Variants in MARK3 observed in about 807,000 individuals in gnomAD.
The protein encoded by MARK3 is microtubule affinity regulating kinase 3.
In MARK3, 46 loss-of-function variants were observed where a neutral mutation model predicts 90.1. The ratio of observed to expected loss-of-function variants is 0.51; its 90% CI spans 0.40 to 0.65. The LOEUF is 0.65. MARK3 is among the 30% of genes least tolerant of loss of function. The pLI, the probability that MARK3 is intolerant of heterozygous loss-of-function variation, is 0.00. For missense variants in MARK3, 818 were observed against 947.2 expected (o/e 0.86, Z 1.79); for synonymous variants, 321 against 332.6 (o/e 0.97, Z 0.38).
intron 14 of MARK3, chr14:103,491,149 A>C: frequency 8.3e-7 from 1 of 1,203,732 alleles, no homozygotes; most frequent in South Asian, 1.4e-5. Context: ...ATGTGTACCC[A>C]CTGCTTCTTA....
chr14:103,406,989 G>A (rs7156619), intron 2 of MARK3, among the ~76,000 whole-genome samples: 95,660 of 151,408 alleles, frequency 0.63, 30,682 homozygotes, highest in East Asian at 0.86. Flanking sequence ...ATCCACCACT[G>A]CACCCGGCTA....
intron 1 of MARK3, among the ~76,000 whole-genome samples, chr14:103,402,278 C>T (rs2091007681): frequency 6.6e-6 from 1 of 152,038 alleles, no homozygotes; most frequent in Non-Finnish European, 1.5e-5. Flanking sequence ...CCTGGCCGAG[C>T]GCGGTGGCTC....
chr14:103,425,669 G>T (rs936023276), intron 2 of MARK3, among the ~76,000 whole-genome samples: 8 of 152,182 alleles, frequency 5.3e-5, no homozygotes, highest in African/African-American at 1.9e-4. Flanking sequence ...GCCTGTTTCA[G>T]TAGTCAGTAT....
At chr14:103,463,577 C>A (rs971203089) in intron 7 of MARK3, among the ~76,000 whole-genome samples, 1 of 152,200 alleles carries the variant, frequency 6.6e-6, no homozygotes, top group Admixed American at 6.5e-5. Flanking sequence ...TCACCAGGTC[C>A]TTTTGCTGCT....
At chr14:103,394,861 C>G (rs1347843349) in intron 1 of MARK3, among the ~76,000 whole-genome samples, 1 of 152,268 alleles carries the variant, frequency 6.6e-6, no homozygotes, top group Admixed American at 6.5e-5. Flanking sequence ...TGGCTCACTG[C>G]AACCTCTGCC....
chr14:103,440,332 T>C (rs2092819386), intron 3 of MARK3, among the ~76,000 whole-genome samples: 1 of 152,226 alleles, frequency 6.6e-6, no homozygotes, highest in African/African-American at 2.4e-5. Flanking sequence ...CTTAGAATTC[T>C]TGTATCACAG....
intron 1 of MARK3, among the ~76,000 whole-genome samples, chr14:103,395,993 C>T (rs2090556224): frequency 6.6e-6 from 1 of 152,160 alleles, no homozygotes; most frequent in Admixed American, 6.6e-5. Flanking sequence ...ACGGAATGCC[C>T]ATGTTCCAGG....
intron 6 of MARK3, 80 bp from the exon 7 acceptor site, chr14:103,462,325 T>C: frequency 9.9e-7 from 1 of 1,010,668 alleles, no homozygotes; most frequent in South Asian, 1.4e-5. Flanking sequence ...ATTCATTATG[T>C]GTGAACATTA....
chr14:103,438,804 G>A (rs1421620056), intron 3 of MARK3, among the ~76,000 whole-genome samples: 3 of 152,064 alleles, frequency 2.0e-5, no homozygotes, highest in African/African-American at 4.8e-5. Context: ...ACCAGCCTGG[G>A]CAACATGGCA....
rs937032301 is a variant in MARK3 at position 103,465,932 on chromosome 14, G to T, written c.778-40G>T. 3 of 1,598,768 alleles carry T rather than the reference G, an allele frequency of 1.9e-6. No individual in the cohort carries two copies. The African/African-American group carries it at 4.1e-5, about 22-fold the overall frequency. On this transcript the variant is annotated intron_variant, in intron 8 of 17. Transcript: ENST00000429436. Reference sequence around the variant, plus strand: ...TGTGTTTTGTTAACTAAACCTAAAGGTTGACTTACTCGTTTTCTTTCCTCT... The same window carrying T: ...TGTGTTTTGTTAACTAAACCTAAAGTTTGACTTACTCGTTTTCTTTCCTCT...
At chr14:103,463,399 A>G (rs890804349) in intron 7 of MARK3, among the ~76,000 whole-genome samples, 3 of 151,988 alleles carry the variant, frequency 2.0e-5, no homozygotes. Context: ...ATCCATTCCT[A>G]CGGCCAGAGC....
intron 13 of MARK3, among the ~76,000 whole-genome samples, chr14:103,478,897 C>T (rs1292053352): frequency 6.6e-6 from 1 of 152,150 alleles, no homozygotes; most frequent in East Asian, 1.9e-4. Flanking sequence ...TGTATATATA[C>T]TACAATTTAA....
chr14:103,480,631 AT>A, intron 14 of MARK3, 141 bp downstream of exon 14: 1 of 584,922 alleles, frequency 1.7e-6, no homozygotes. Flanking sequence ...TTGTATACTA[AT>A]TTTTAGCAAG....
chr14:103,465,154 G>C (rs1338376606), intron 7 of MARK3, among the ~76,000 whole-genome samples: 1 of 152,142 alleles, frequency 6.6e-6, no homozygotes, highest in Non-Finnish European at 1.5e-5. Flanking sequence ...TTTTAGTAAA[G>C]ACAGGGTATC....
intron 3 of MARK3, among the ~76,000 whole-genome samples, chr14:103,445,262 A>G (rs2092965546): frequency 6.6e-6 from 1 of 152,174 alleles, no homozygotes; most frequent in African/African-American, 2.4e-5. Context: ...CTCAGCTGAT[A>G]GAGTTGTGAA....
rs1052645023 is a variant in MARK3 at position 103,500,287 on chromosome 14, A to C, written c.1916+87A>C. On this transcript the variant is annotated intron_variant, in intron 17 of 17. Transcript: ENST00000429436. ...GGCGACTATTTTCTGAATGTTCCCT[A>C]CTGTATTCCTGCTGTCTCTGTAGGA... 7.1e-6 allele frequency: 7 copies of C among 985,164 alleles called. No individual in the cohort carries two copies. In the East Asian group the frequency reaches 1.8e-4, roughly 26 times the overall value. The allele number at this position is 985,164 out of a possible 1,614,324, so 61.0% of individuals were successfully genotyped here.
rs186754726 is a variant in MARK3, at chr14:103,407,388, C to A, written c.243+2121C>A. On this transcript the variant is annotated intron_variant, in intron 2 of 17. Transcript: ENST00000429436. The stretch of plus-strand genomic sequence containing the variant: ...CTTAATCTCTCTACTTTTCTCATAG[C>A]GTATGTTTAATCGGTTATTGTGTAG... Among the ~76,000 whole-genome samples, 7 of 152,070 alleles carry A rather than the reference C, an allele frequency of 4.6e-5. No homozygotes were observed. The East Asian group carries it at 1.4e-3, about 29-fold the overall frequency.
intron 1 of MARK3, among the ~76,000 whole-genome samples, chr14:103,386,849 T>C (rs771233872): frequency 6.6e-6 from 1 of 152,226 alleles, no homozygotes; most frequent in Non-Finnish European, 1.5e-5. Context: ...GCTATGGTTT[T>C]ATAAAAGGAA....
At chr14:103,494,656 CCA>C (rs1380959418) in intron 15 of MARK3, among the ~76,000 whole-genome samples, 6 of 150,636 alleles carry the variant, frequency 4.0e-5, no homozygotes, top group African/African-American at 1.5e-4. Context: ...TTTTTTTTCC[CCA>C]CAGAGTCTCA....
Sources: gnomAD v4.1 joint callset for allele counts (sites outside exome capture counted in the v4.1 genomes callset) on GRCh38, gnomAD v4.1.1 for gene constraint, MANE v1.5 for transcripts, NCBI Gene and HGNC (gene_info 2026-07-23, HGNC 2026-07-21) for gene names.